Variants in ZNF608 observed in about 807,000 individuals in gnomAD.
The protein encoded by ZNF608 is zinc finger protein 608.
ZNF608 carries 12 observed loss-of-function variants against 109.0 expected under a neutral mutation model. That is an observed-to-expected ratio of 0.11 (90% confidence interval 0.07 to 0.18). The LOEUF is 0.18. Among genes scored for constraint, ZNF608 ranks in the 10% least tolerant of loss-of-function variants. ZNF608 has a pLI of 1.00. For synonymous variants in ZNF608, 732 were observed against 717.4 expected, an observed-to-expected ratio of 1.02 and a Z score of -0.33; for missense variants, 1,707 against 1,879.3, an observed-to-expected ratio of 0.91 and a Z score of 1.70.
intron 2 of ZNF608, among the ~76,000 whole-genome samples, chr5:124,731,173 C>T (rs1350842918): frequency 6.6e-6 from 1 of 152,140 alleles, no homozygotes; most frequent in Non-Finnish European, 1.5e-5. Context: ...GATGTGTTTA[C>T]ACAAATTTAG....
intron 3 of ZNF608, among the ~76,000 whole-genome samples, chr5:124,656,509 T>C (rs931643272): frequency 1.3e-5 from 2 of 152,002 alleles, no homozygotes; most frequent in African/African-American, 4.8e-5. Context: ...TATGGGAGGG[T>C]AGTTACGATT....
chr5:124,697,132 G>A (rs754232218), intron 3 of ZNF608, among the ~76,000 whole-genome samples: 37 of 151,342 alleles, frequency 2.4e-4, no homozygotes, highest in Non-Finnish European at 5.0e-4. Context: ...AAGTAAAAGC[G>A]TCGTGAATGA....
At chr5:124,697,665 A>T (rs370614966) in intron 3 of ZNF608, among the ~76,000 whole-genome samples, 1 of 152,212 alleles carries the variant, frequency 6.6e-6, no homozygotes, top group African/African-American at 2.4e-5. Context: ...TGGTTCTTAG[A>T]CAACCAGTAC....
chr5:124,638,597 C>A (rs1278959479), intron 9 of ZNF608, among the ~76,000 whole-genome samples: 2 of 152,102 alleles, frequency 1.3e-5, no homozygotes, highest in Non-Finnish European at 2.9e-5. Context: ...AACCATAAGA[C>A]CGATAGTCTT....
intron 3 of ZNF608, among the ~76,000 whole-genome samples, chr5:124,653,654 T>A (rs1252175923): frequency 6.6e-6 from 1 of 152,166 alleles, no homozygotes; most frequent in Non-Finnish European, 1.5e-5. Flanking sequence ...TGCCCCCACC[T>A]AGACCAGTGA....
At chr5:124,639,703 T>A (rs1750150373) in intron 8 of ZNF608, among the ~76,000 whole-genome samples, 1 of 152,194 alleles carries the variant, frequency 6.6e-6, no homozygotes. Context: ...TGCTCTTAAC[T>A]TTCACCCTGC....
At chr5:124,708,810 G>T in intron 2 of ZNF608, 1 of 454,926 alleles carries the variant, frequency 2.2e-6, no homozygotes, top group Non-Finnish European at 4.4e-6. Flanking sequence ...TGGCCCCAAG[G>T]CCAGTGGGGC....
intron 3 of ZNF608, among the ~76,000 whole-genome samples, chr5:124,692,297 C>CA (rs1279896626): frequency 6.6e-6 from 1 of 152,200 alleles, no homozygotes; most frequent in Non-Finnish European, 1.5e-5. Context: ...CTACACTACT[C>CA]AAACAGGTAT....
intron 2 of ZNF608, among the ~76,000 whole-genome samples, chr5:124,737,843 C>T (rs867826102): frequency 6.6e-5 from 10 of 152,188 alleles, no homozygotes; most frequent in African/African-American, 2.4e-4. Flanking sequence ...GTTTAACAAC[C>T]TTTCATTCAG....
intron 3 of ZNF608, among the ~76,000 whole-genome samples, chr5:124,685,714 C>A (rs1355266828): frequency 6.6e-6 from 1 of 151,992 alleles, no homozygotes; most frequent in African/African-American, 2.4e-5. Context: ...ACTCAGTACG[C>A]GGCCAGCCCA....
chr5:124,693,089 C>T (rs1580635900), intron 3 of ZNF608, among the ~76,000 whole-genome samples: 2 of 152,294 alleles, frequency 1.3e-5, no homozygotes, highest in East Asian at 3.9e-4. Flanking sequence ...GATGGTGGTA[C>T]ACCTCTGAAT....
chr5:124,643,884 T>A (rs1750367305), intron 6 of ZNF608, among the ~76,000 whole-genome samples: 1 of 152,226 alleles, frequency 6.6e-6, no homozygotes, highest in South Asian at 2.1e-4. Flanking sequence ...GAAGGGAGGT[T>A]ATAAACAGAA....
chr5:124,677,476 C>T lies in ZNF608; in HGVS notation c.1162+23538G>A, dbSNP rs758919231. ...CTGTAAGGAACACTGCAGCAACATT[C>T]GCGTACAAGGGTATACTTTACAGGA... On this transcript the variant is annotated intron_variant, in intron 3 of 9. Coordinates refer to ENST00000513986, the MANE Select transcript of ZNF608 (RefSeq NM_020747.3). Among the ~76,000 whole-genome samples, 12 of 152,268 alleles carry T rather than the reference C, an allele frequency of 7.9e-5. 1 individual carries two copies. Among genetic ancestry groups the T allele is most frequent in the Admixed American group, 5.9e-4 (9 of 15,284 alleles).
intron 2 of ZNF608, among the ~76,000 whole-genome samples, chr5:124,739,715 G>GTAC (rs2149902410): frequency 6.6e-6 from 1 of 152,300 alleles, no homozygotes; most frequent in South Asian, 2.1e-4. Context: ...TTTCTATGAA[G>GTAC]TACCAGGTGA....
Position 124,648,678 on chromosome 5 carries a change from C to G in ZNF608, c.1706G>C (p.Gly569Ala). 1 of 1,614,212 alleles carries G rather than the reference C, an allele frequency of 6.2e-7. No homozygotes were observed. The highest frequency in any genetic ancestry group is 8.5e-7 in the Non-Finnish European group (1 of 1,180,044). ...NCNKKYKHIN[G>A]LRYHQAHAHL... ...TGCATGAGCCTGGTGGTACCTCAGG[C>G]CGTTAATGTGCTTGTACTTTTTGTT... Residue 569 changes from glycine to alanine, a missense_variant, in exon 5 of 10, where the codon GGC (glycine) becomes GCC (alanine). Coordinates refer to ENST00000513986, the MANE Select transcript of ZNF608 (RefSeq NM_020747.3).
At chr5:124,643,414 G>T in intron 7 of ZNF608, 97 bp downstream of exon 7, 1 of 1,176,372 alleles carries the variant, frequency 8.5e-7, no homozygotes, top group Non-Finnish European at 1.2e-6. Flanking sequence ...ATCACAGCTG[G>T]GTTCCGAAAC....
intron 2 of ZNF608, among the ~76,000 whole-genome samples, chr5:124,704,347 C>A (rs1032061959): frequency 6.6e-6 from 1 of 152,062 alleles, no homozygotes; most frequent in African/African-American, 2.4e-5. Flanking sequence ...CCCATAGGTA[C>A]CAGACCAGCA....
chr5:124,642,490 A>G (rs1243187282), intron 7 of ZNF608, among the ~76,000 whole-genome samples: 1 of 152,128 alleles, frequency 6.6e-6, no homozygotes, highest in Non-Finnish European at 1.5e-5. Flanking sequence ...AACACTGATG[A>G]TGTGAATATG....
At chr5:124,743,693 C>T (rs1416208531) in intron 2 of ZNF608, among the ~76,000 whole-genome samples, 1 of 152,114 alleles carries the variant, frequency 6.6e-6, no homozygotes, top group African/African-American at 2.4e-5. Context: ...AAACTGTTCC[C>T]CTTAAGGAAG....
Sources: allele counts gnomAD v4.1 joint callset (sites outside exome capture counted in the v4.1 genomes callset), GRCh38; gene constraint gnomAD v4.1.1; transcripts MANE v1.5; gene names NCBI Gene and HGNC (gene_info 2026-07-23, HGNC 2026-07-21).